CCDC178: variants seen among roughly 807,000 people sequenced by gnomAD.
The protein encoded by CCDC178 is coiled-coil domain containing 178, also known as coiled-coil domain-containing protein 178.
In CCDC178, 126 loss-of-function variants were observed where a neutral mutation model predicts 117.4. The ratio of observed to expected loss-of-function variants is 1.07; its 90% CI spans 0.93 to 1.24. CCDC178 has a LOEUF of 1.24. Among genes scored for constraint, CCDC178 ranks in the 50% most tolerant of loss-of-function variants. CCDC178 has a pLI of 0.00. For synonymous variants in CCDC178, 283 were observed against 313.4 expected, an observed-to-expected ratio of 0.90 and a Z score of 1.02; for missense variants, 1,030 against 986.9, an observed-to-expected ratio of 1.04 and a Z score of -0.59.
chr18:32,965,826 G>A (rs1598738580), intron 22 of CCDC178, among the ~76,000 whole-genome samples: 4 of 150,388 alleles, frequency 2.7e-5, no homozygotes, highest in African/African-American at 7.3e-5. Context: ...TAATTTTTTT[G>A]TACTTCTGAT....
At position 33,333,195 on chromosome 18, in the gene CCDC178, G is replaced by A; in HGVS notation, c.858C>T (p.Asn286=). The change falls in exon 10 of 23, where the codon AAC becomes AAT. Residue 286 remains asparagine, a synonymous_variant. Transcript: ENST00000383096. ...KQNQELQDLK[N]HYKKKMEVMD... is the part of the protein sequence containing the mutation. Reference sequence around the variant, plus strand: ...TTACCTCCATTTTTTTTTTATAATGGTTCTTCAGATCTTGAAGTTCCTGAT... The same window carrying A: ...TTACCTCCATTTTTTTTTTATAATGATTCTTCAGATCTTGAAGTTCCTGAT... The A allele has an allele frequency of 1.3e-6, 2 of 1,589,070 alleles. No individual in the cohort carries two copies. The highest frequency in any genetic ancestry group is 1.2e-5 in the South Asian group (1 of 86,706).
intron 11 of CCDC178, among the ~76,000 whole-genome samples, chr18:33,308,206 T>C (rs776206567): frequency 6.6e-6 from 1 of 152,198 alleles, no homozygotes; most frequent in Admixed American, 6.5e-5. Context: ...GCCACAGGTG[T>C]GGAGCTGCCC....
chr18:32,964,608 A>G (rs1218890264), intron 22 of CCDC178, among the ~76,000 whole-genome samples: 2 of 152,000 alleles, frequency 1.3e-5, no homozygotes, highest in Non-Finnish European at 2.9e-5. Context: ...TACAGGGCAC[A>G]TTGTATATAC....
chr18:33,151,523 T>G (rs192215325), intron 20 of CCDC178, among the ~76,000 whole-genome samples: 1 of 145,642 alleles, frequency 6.9e-6, no homozygotes, highest in African/African-American at 2.7e-5. Context: ...AGAAAAGAGT[T>G]CTAAAAATAC....
At chr18:33,355,466 C>A (rs2063040521) in intron 7 of CCDC178, among the ~76,000 whole-genome samples, 1 of 152,208 alleles carries the variant, frequency 6.6e-6, no homozygotes, top group African/African-American at 2.4e-5. Flanking sequence ...TCGAGGCTTA[C>A]CCAGGCTGTT....
chr18:33,200,222 T>G (rs556016466), intron 20 of CCDC178, among the ~76,000 whole-genome samples: 44 of 152,332 alleles, frequency 2.9e-4, no homozygotes, highest in Non-Finnish European at 5.3e-4. Flanking sequence ...TTCACTTCAT[T>G]GCACTGGGGT....
In CCDC178 at chr18:33,386,448, T is replaced by C. The variant is rs538599730; in HGVS notation, c.208+3092A>G. On this transcript the variant is annotated intron_variant, in intron 5 of 22. Transcript: ENST00000383096. ...AACAAAAACTTCAGGCCAATAGCCC[T>C]AATGAACATCTATGCAAAAATCTCA... Among the ~76,000 whole-genome samples the C allele has an allele frequency of 2.4e-3, 372 of 152,268 alleles. 4 individuals carry two copies. Among genetic ancestry groups the C allele is most frequent in the Non-Finnish European group, 4.6e-3 (311 of 67,988 alleles).
intron 14 of CCDC178, among the ~76,000 whole-genome samples, chr18:33,263,985 A>T (rs1029765122): frequency 6.6e-6 from 1 of 152,098 alleles, no homozygotes. Context: ...AGTAGAAGCA[A>T]ATTACAAAGA....
At chr18:33,409,443 A>G (rs2063822043) in intron 3 of CCDC178, among the ~76,000 whole-genome samples, 1 of 152,184 alleles carries the variant, frequency 6.6e-6, no homozygotes, top group Admixed American at 6.6e-5. Flanking sequence ...TTACATCATG[A>G]ACGAAAGAAC....
At chr18:33,369,904 T>G in intron 6 of CCDC178, 146 bp downstream of exon 6, 1 of 614,566 alleles carries the variant, frequency 1.6e-6, no homozygotes, top group South Asian at 3.1e-5. Context: ...TCTAGACTAG[T>G]AAATGATGCA....
At chr18:33,433,544 T>A (rs538856349) in intron 2 of CCDC178, among the ~76,000 whole-genome samples, 1 of 152,204 alleles carries the variant, frequency 6.6e-6, no homozygotes, top group African/African-American at 2.4e-5. Context: ...CACTTAACAA[T>A]CTTTACCAGA....
intron 2 of CCDC178, among the ~76,000 whole-genome samples, chr18:33,438,417 T>C (rs190575677): frequency 3.3e-4 from 51 of 152,266 alleles, no homozygotes; most frequent in Non-Finnish European, 6.0e-4. Context: ...TCTGAATAAA[T>C]AGCCTTGGCT....
intron 21 of CCDC178, among the ~76,000 whole-genome samples, chr18:33,011,716 G>A (rs1000028427): frequency 2.2e-5 from 3 of 134,502 alleles, no homozygotes; most frequent in African/African-American, 8.5e-5. Context: ...AAAGCAGGAA[G>A]GGTTTTGGCA....
chr18:33,115,482 A>G (rs1220802241), intron 20 of CCDC178, among the ~76,000 whole-genome samples: 1 of 152,092 alleles, frequency 6.6e-6, no homozygotes, highest in Non-Finnish European at 1.5e-5. Context: ...GGATCACTAT[A>G]ATGTTCTGTG....
At position 33,224,896 on chromosome 18, in the gene CCDC178, C is replaced by T. The variant is rs112779048; in HGVS notation, c.1697G>A (p.Arg566Gln). The T allele has an allele frequency of 1.0e-4, 156 of 1,551,072 alleles. 2 individuals are homozygous for T. The highest frequency in any genetic ancestry group is 1.9e-4 in the East Asian group (8 of 41,730). The change falls in exon 17 of 23, where the codon CGG becomes CAG. Residue 566 changes from arginine to glutamine, a missense_variant. Arg to Gln is a conservative substitution (Grantham distance 43). Coordinates refer to ENST00000383096, the MANE Select transcript of CCDC178 (RefSeq NM_001105528.4). The part of the protein sequence containing the change: ...YSIYEVQALE[R>Q]KELIKNRAIC... ...TGCTCTATTTTTTATAAGCTCTTTC[C>T]GCTCAAGTGCCTGGACTTCGTAAAT...
intron 6 of CCDC178, among the ~76,000 whole-genome samples, chr18:33,360,201 T>C (rs2063106974): frequency 6.6e-6 from 1 of 150,836 alleles, no homozygotes; most frequent in Non-Finnish European, 1.5e-5. Flanking sequence ...AATCATCACA[T>C]GATACAGCAG....
intron 21 of CCDC178, among the ~76,000 whole-genome samples, chr18:33,072,546 T>C (rs2057127475): frequency 6.6e-6 from 1 of 152,214 alleles, no homozygotes; most frequent in African/African-American, 2.4e-5. Context: ...GCCAAGGTCT[T>C]ATCAGAGCCA....
chr18:33,316,050 A>C (rs1054480860), intron 11 of CCDC178, among the ~76,000 whole-genome samples: 3 of 152,142 alleles, frequency 2.0e-5, no homozygotes, highest in African/African-American at 7.2e-5. Flanking sequence ...TCCTTTTGAG[A>C]GGTGACAGCG....
chr18:33,091,565 G>T (rs144507729), intron 21 of CCDC178, among the ~76,000 whole-genome samples: 12 of 151,790 alleles, frequency 7.9e-5, no homozygotes, highest in Admixed American at 7.2e-4. Flanking sequence ...TCAAACTCCT[G>T]ACTTCAGGTG....
Sources: gnomAD v4.1 joint callset for allele counts (sites outside exome capture counted in the v4.1 genomes callset) on GRCh38, gnomAD v4.1.1 for gene constraint, MANE v1.5 for transcripts, NCBI Gene and HGNC (gene_info 2026-07-23, HGNC 2026-07-21) for gene names.